Variants in UGT1A8 observed in about 807,000 individuals in gnomAD.
The protein encoded by UGT1A8 is UDP-glucuronosyltransferase 1A8.
Under a neutral mutation model 45.3 loss-of-function variants are expected in UGT1A8, and 39 were observed. That is an observed-to-expected ratio of 0.86 (90% CI 0.67 to 1.12). The LOEUF (loss-of-function observed/expected upper bound fraction) is 1.12. Among genes scored for constraint, UGT1A8 ranks in the 50% most tolerant of loss-of-function variants. The pLI is 0.00. For missense variants in UGT1A8, 719 were observed against 664.9 expected (o/e 1.08, Z -0.90); for synonymous variants, 275 against 249.2 (o/e 1.10, Z -0.97).
At chr2:233,755,509 C>G (rs143373661) in intron 1 of UGT1A8, 6,563 of 166,164 alleles carry the variant, frequency 0.039, 278 homozygotes, top group Middle Eastern at 0.048. Flanking sequence ...GACCAGGCCC[C>G]GCCCACTCCG....
intron 1 of UGT1A8, among the ~76,000 whole-genome samples, chr2:233,694,658 A>T (rs1315709453): frequency 6.6e-6 from 1 of 152,160 alleles, no homozygotes; most frequent in Admixed American, 6.5e-5. Context: ...CTTTTTTATC[A>T]GAGAGAAAGC....
intron 1 of UGT1A8, among the ~76,000 whole-genome samples, chr2:233,761,933 C>T (rs1191781087): frequency 1.3e-5 from 2 of 152,210 alleles, no homozygotes; most frequent in Admixed American, 1.3e-4. Flanking sequence ...AGGCACTTCC[C>T]AGGTGCTGCG....
chr2:233,635,730 A>G (rs1452023287), intron 1 of UGT1A8, among the ~76,000 whole-genome samples: 1 of 150,870 alleles, frequency 6.6e-6, no homozygotes, highest in African/African-American at 2.5e-5. Flanking sequence ...ACAAGTACAT[A>G]TTTTCCTGAA....
chr2:233,629,935 C>G (rs2073157280), intron 1 of UGT1A8, among the ~76,000 whole-genome samples: 1 of 152,000 alleles, frequency 6.6e-6, no homozygotes, highest in African/African-American at 2.4e-5. Flanking sequence ...ATGTTATTCT[C>G]TTAACATTTT....
chr2:233,661,623 T>TTTTCTTTCCTTC lies in UGT1A8; in HGVS notation c.855+43069_855+43070insCTTCTTTCTTTC, dbSNP rs1553602618. Among the ~76,000 whole-genome samples the TTTTCTTTCCTTC allele has an allele frequency of 2.2e-3, 275 of 124,046 alleles. 2 individuals carry two copies. The highest frequency in any genetic ancestry group is 8.3e-3 in the African/African-American group (260 of 31,332). 81.4% of individuals were successfully genotyped at this position (124,046 alleles called of 152,430 possible). A position where few individuals can be genotyped will look rare whatever the true frequency, so the allele number is the denominator to read the frequency against. On this transcript the variant is annotated intron_variant, in intron 1 of 4. Transcript: ENST00000373450. Reference sequence around the variant, plus strand: ...ATCACTGCAGTGAAGACTTACTGAATTTTCTTTCTTTCTTTCTTTCTTTCT... The same window carrying TTTTCTTTCCTTC: ...ATCACTGCAGTGAAGACTTACTGAATTTTCTTTCCTTCTTTCTTTCTTTCTTTCTTTCTTTCT...
intron 1 of UGT1A8, chr2:233,747,945 G>T (rs1354187104): frequency 6.2e-7 from 1 of 1,613,364 alleles, no homozygotes; most frequent in East Asian, 2.2e-5. Flanking sequence ...GGAGGTGTCA[G>T]TGGTGGATCT....
chr2:233,636,333 C>A, intron 1 of UGT1A8: 1 of 1,040,184 alleles, frequency 9.6e-7, no homozygotes, highest in Non-Finnish European at 1.3e-6. Flanking sequence ...AAGTAGGTAT[C>A]TCAGCAAATG....
chr2:233,719,025 A>G, intron 1 of UGT1A8: 1 of 1,614,266 alleles, frequency 6.2e-7, no homozygotes, highest in Admixed American at 1.7e-5. Flanking sequence ...GAATATGCAC[A>G]TCAAAGAAGA....
At chr2:233,714,782 C>T (rs1312718757) in intron 1 of UGT1A8, among the ~76,000 whole-genome samples, 1 of 152,114 alleles carries the variant, frequency 6.6e-6, no homozygotes, top group Non-Finnish European at 1.5e-5. Flanking sequence ...TTGGAATAGC[C>T]ACATTTCAAG....
At chr2:233,741,120 A>G (rs947867994) in intron 1 of UGT1A8, among the ~76,000 whole-genome samples, 1 of 151,760 alleles carries the variant, frequency 6.6e-6, no homozygotes, top group Non-Finnish European at 1.5e-5. Flanking sequence ...TTACACTTCT[A>G]TAAAAGCAAC....
intron 1 of UGT1A8, among the ~76,000 whole-genome samples, chr2:233,638,092 C>G (rs2073349863): frequency 6.6e-6 from 1 of 152,062 alleles, no homozygotes; most frequent in South Asian, 2.1e-4. Context: ...GACTAGAGTC[C>G]TACACGTAGG....
Position 233,677,399 on chromosome 2 carries a change from T to A in UGT1A8, c.855+58837T>A, listed in dbSNP as rs548174080. Among the ~76,000 whole-genome samples, 4 of 152,322 alleles carry A rather than the reference T, an allele frequency of 2.6e-5. No individual in the cohort carries two copies. In the South Asian group the frequency reaches 8.3e-4, roughly 32 times the overall value. On this transcript the variant is annotated intron_variant, in intron 1 of 4. Transcript: ENST00000373450. Reference sequence around the variant, plus strand: ...GTGTAGTAGAAAATCCGCATAGAACTTTTGATTCTCCAAAAACTTAACTAC... The same window carrying A: ...GTGTAGTAGAAAATCCGCATAGAACATTTGATTCTCCAAAAACTTAACTAC...
intron 1 of UGT1A8, among the ~76,000 whole-genome samples, chr2:233,744,545 T>A (rs1042010726): frequency 6.6e-6 from 1 of 151,936 alleles, no homozygotes; most frequent in Non-Finnish European, 1.5e-5. Context: ...TAAATTTTAT[T>A]AAGACAAAAT....
At chr2:233,735,234 CTTG>C (rs1328873988) in intron 1 of UGT1A8, among the ~76,000 whole-genome samples, 2 of 152,132 alleles carry the variant, frequency 1.3e-5, no homozygotes, top group African/African-American at 4.8e-5. Context: ...ATAGTTAGCT[CTTG>C]TTGTTGAATT....
chr2:233,719,027 C>CA (rs779192742), intron 1 of UGT1A8: 8 of 1,614,110 alleles, frequency 5.0e-6, no homozygotes, highest in African/African-American at 1.3e-5. Flanking sequence ...ATATGCACAT[C>CA]AAAGAAGAGA....
rs573003953 is a variant in UGT1A8 at position 233,701,574 on chromosome 2, A to C, written c.856-65460A>C. Among the ~76,000 whole-genome samples the C allele has an allele frequency of 5.6e-3, 856 of 152,260 alleles. 10 individuals carry two copies. The highest frequency in any genetic ancestry group is 0.02 in the African/African-American group (822 of 41,528). On this transcript the variant is annotated intron_variant, in intron 1 of 4. Coordinates refer to ENST00000373450, the MANE Select transcript of UGT1A8 (RefSeq NM_019076.5). ...CAGCACCACACCACACCTACTCCAA[A>C]ATTGACCACATAGTTGGAAGTAAAG... is the stretch of plus-strand genomic sequence containing the variant.
At chr2:233,747,014 C>T (rs774665109) in intron 1 of UGT1A8, among the ~76,000 whole-genome samples, 7 of 151,838 alleles carry the variant, frequency 4.6e-5, no homozygotes, top group Non-Finnish European at 1.0e-4. Context: ...TAGGAGTGAT[C>T]GGTCTTTCCC....
chr2:233,732,909 C>T (rs2078335014), intron 1 of UGT1A8, among the ~76,000 whole-genome samples: 1 of 152,070 alleles, frequency 6.6e-6, no homozygotes, highest in African/African-American at 2.4e-5. Context: ...GCAGTATGGC[C>T]ATTTTCACGA....
chr2:233,673,022 C>T (rs1425676122), intron 1 of UGT1A8, among the ~76,000 whole-genome samples: 2 of 152,146 alleles, frequency 1.3e-5, no homozygotes, highest in Admixed American at 6.5e-5. Flanking sequence ...ATTCAGCCTA[C>T]ATTTTTAAGT....
Sources: allele counts gnomAD v4.1 joint callset (sites outside exome capture counted in the v4.1 genomes callset), GRCh38; gene constraint gnomAD v4.1.1; transcripts MANE v1.5; gene names NCBI Gene and HGNC (gene_info 2026-07-23, HGNC 2026-07-21).